The following COMMD10 variants were observed in gnomAD, a reference collection of about 807,000 sequenced individuals.
The protein encoded by COMMD10 is COMM domain-containing protein 10.
In COMMD10, 33 loss-of-function variants were observed where a neutral mutation model predicts 28.9. That is an observed-to-expected ratio of 1.14 (90% confidence interval 0.87 to 1.53). COMMD10 has a LOEUF of 1.53. COMMD10 is among the 40% of genes most tolerant of loss of function. The probability of loss-of-function intolerance (pLI) is 0.00; values close to 1 mark genes in which losing one functional copy is unlikely to be tolerated. For missense variants in COMMD10, 310 were observed against 233.4 expected (o/e 1.33, Z -2.14); for synonymous variants, 110 against 81.7 (o/e 1.35, Z -1.87).
chr5:116,150,314 T>G (rs916449257), intron 5 of COMMD10, among the ~76,000 whole-genome samples: 16 of 152,184 alleles, frequency 1.1e-4, no homozygotes, highest in South Asian at 2.1e-4. Context: ...TTTTTCTTTT[T>G]GCTTAGGATT....
At chr5:116,170,277 AC>A (rs1753278860) in intron 5 of COMMD10, among the ~76,000 whole-genome samples, 1 of 152,240 alleles carries the variant, frequency 6.6e-6, no homozygotes, top group South Asian at 2.1e-4. Context: ...AATACAACTT[AC>A]AAGGGATGTG....
chr5:116,269,165 C>T (rs1750687906), intron 5 of COMMD10, among the ~76,000 whole-genome samples: 1 of 151,774 alleles, frequency 6.6e-6, no homozygotes, highest in African/African-American at 2.4e-5. Context: ...ATGAATTTTT[C>T]CCACGTTTAT....
intron 5 of COMMD10, among the ~76,000 whole-genome samples, chr5:116,256,536 G>C (rs1356942643): frequency 1.3e-5 from 2 of 151,712 alleles, no homozygotes; most frequent in African/African-American, 4.9e-5. Flanking sequence ...ATCAAGGATG[G>C]GCATTTTTCT....
intron 4 of COMMD10, among the ~76,000 whole-genome samples, chr5:116,127,116 G>A (rs1434493361): frequency 3.3e-5 from 5 of 152,226 alleles, no homozygotes; most frequent in Admixed American, 6.5e-5. Flanking sequence ...GTGGGCAAAG[G>A]ATATGAACAG....
intron 5 of COMMD10, among the ~76,000 whole-genome samples, chr5:116,227,126 T>C: frequency 6.6e-6 from 1 of 152,048 alleles, no homozygotes; most frequent in Non-Finnish European, 1.5e-5. Flanking sequence ...TTCACTATCC[T>C]TGCCATAAAT....
At chr5:116,102,894 C>T (rs1315224093) in intron 4 of COMMD10, among the ~76,000 whole-genome samples, 1 of 152,024 alleles carries the variant, frequency 6.6e-6, no homozygotes, top group African/African-American at 2.4e-5. Context: ...TTCAGCACCC[C>T]CTTATGAGTG....
chr5:116,204,272 C>T (rs1260527761), intron 5 of COMMD10, among the ~76,000 whole-genome samples: 2 of 152,154 alleles, frequency 1.3e-5, no homozygotes, highest in African/African-American at 2.4e-5. Context: ...GAGACTTAGA[C>T]TCCCACACAA....
At chr5:116,134,901 G>A (rs575979255) in intron 5 of COMMD10, among the ~76,000 whole-genome samples, 6 of 152,092 alleles carry the variant, frequency 3.9e-5, no homozygotes, top group Admixed American at 3.9e-4. Flanking sequence ...GATTACAGGC[G>A]TGAGCCACCG....
intron 4 of COMMD10, among the ~76,000 whole-genome samples, chr5:116,096,846 A>G (rs62384691): frequency 0.075 from 11,384 of 151,884 alleles, 503 homozygotes; most frequent in Admixed American, 0.13. Flanking sequence ...TATATCCTCT[A>G]TAGATTTTAA....
chr5:116,251,282 A>T (rs1469123024), intron 5 of COMMD10, among the ~76,000 whole-genome samples: 5 of 147,008 alleles, frequency 3.4e-5, no homozygotes, highest in Admixed American at 1.4e-4. Context: ...TTATTTATTT[A>T]TTTATTTATT....
chr5:116,211,886 G>A (rs1488926041), intron 5 of COMMD10, among the ~76,000 whole-genome samples: 3 of 152,080 alleles, frequency 2.0e-5, no homozygotes, highest in Non-Finnish European at 4.4e-5. Context: ...ACAATGAAGT[G>A]TGATAGCTAA....
chr5:116,101,642 G>C lies in COMMD10; in HGVS notation c.399+8942G>C, dbSNP rs531406051. Among the ~76,000 whole-genome samples, 9 of 152,070 alleles carry C rather than the reference G, an allele frequency of 5.9e-5. 1 individual carries two copies. The highest frequency in any genetic ancestry group is 3.2e-3 in the Middle Eastern group (1 of 316). Reference sequence around the variant, plus strand: ...GGGTTTCACCATGTTGGTCAGGCTGGTCTCGAACTCCTGACCTTGTGATCC... The same window carrying C: ...GGGTTTCACCATGTTGGTCAGGCTGCTCTCGAACTCCTGACCTTGTGATCC... On this transcript the variant is annotated intron_variant, in intron 4 of 6. Coordinates refer to ENST00000274458, the MANE Select transcript of COMMD10 (RefSeq NM_016144.4).
At chr5:116,141,043 C>T (rs978641634) in intron 5 of COMMD10, among the ~76,000 whole-genome samples, 2 of 151,806 alleles carry the variant, frequency 1.3e-5, no homozygotes, top group Non-Finnish European at 2.9e-5. Flanking sequence ...GTGCTTTCTT[C>T]TAGGAGTTTT....
intron 4 of COMMD10, among the ~76,000 whole-genome samples, chr5:116,102,459 C>G (rs1345342625): frequency 6.6e-6 from 1 of 152,008 alleles, no homozygotes; most frequent in Non-Finnish European, 1.5e-5. Flanking sequence ...GTTATTATAG[C>G]CTTGCAGTTT....
intron 5 of COMMD10, among the ~76,000 whole-genome samples, chr5:116,211,966 T>C (rs932630732): frequency 1.1e-4 from 17 of 152,280 alleles, no homozygotes; most frequent in Middle Eastern, 6.8e-3. Context: ...TTGGTTTTCT[T>C]ATGTGTCAAG....
chr5:116,107,148 A>G (rs181630640), intron 4 of COMMD10, among the ~76,000 whole-genome samples: 6 of 151,962 alleles, frequency 3.9e-5, no homozygotes, highest in African/African-American at 7.2e-5. Context: ...TCTGACGATT[A>G]TGTGTCTCGG....
chr5:116,274,005 G>A (rs1289062580), intron 5 of COMMD10, among the ~76,000 whole-genome samples: 3 of 151,616 alleles, frequency 2.0e-5, no homozygotes, highest in African/African-American at 7.3e-5. Context: ...ATGTAAATAT[G>A]AGCTAAGTGA....
chr5:116,182,883 T>C lies in COMMD10; in HGVS notation c.510+48705T>C, dbSNP rs191922865. ...GGCAGTTTCCCCCATGCTGTCCTTA[T>C]GATAGTGAGTCTCAAGAGATCTGAT... On this transcript the variant is annotated intron_variant, in intron 5 of 6. Coordinates refer to ENST00000274458, the MANE Select transcript of COMMD10 (RefSeq NM_016144.4). Among the ~76,000 whole-genome samples, 35 of 152,208 alleles carry C rather than the reference T, an allele frequency of 2.3e-4. 2 individuals carry two copies. The East Asian group carries it at 4.5e-3, about 19-fold the overall frequency.
rs1425943359 is a variant in COMMD10, at chr5:116,127,488, G to A, written c.400-6580G>A. 3.3e-5 allele frequency among the ~76,000 whole-genome samples: 5 copies of A among 152,186 alleles called. No individual in the cohort carries two copies. The South Asian group carries it at 8.3e-4, about 25-fold the overall frequency. ...AGACACATGCACACGCATGTTTATA[G>A]TGGCACTATTCTCAATAGCAAAGAC... On this transcript the variant is annotated intron_variant, in intron 4 of 6. Transcript: ENST00000274458.
Sources: gnomAD v4.1 joint callset for allele counts (sites outside exome capture counted in the v4.1 genomes callset) on GRCh38, gnomAD v4.1.1 for gene constraint, MANE v1.5 for transcripts, NCBI Gene and HGNC (gene_info 2026-07-23, HGNC 2026-07-21) for gene names.